KIF13A: variants seen among roughly 807,000 people sequenced by gnomAD.
The protein encoded by KIF13A is kinesin-like protein KIF13A.
KIF13A carries 79 observed loss-of-function variants against 212.2 expected under a neutral mutation model. The ratio of observed to expected loss-of-function variants is 0.37; its 90% CI spans 0.31 to 0.45. The LOEUF is 0.45. KIF13A is among the 20% of genes least tolerant of loss of function. KIF13A has a pLI of 1.00. For missense variants in KIF13A, 1,901 were observed against 2,209.0 expected, an observed-to-expected ratio of 0.86 and a Z score of 2.79; for synonymous variants, 789 against 808.6, an observed-to-expected ratio of 0.98 and a Z score of 0.41.
At chr6:17,887,965 C>T (rs1473319605) in intron 3 of KIF13A, among the ~76,000 whole-genome samples, 2 of 151,936 alleles carry the variant, frequency 1.3e-5, no homozygotes. Context: ...CTCAGCCTCC[C>T]AAAGTGCTAG....
chr6:17,935,631 C>T (rs570481845), intron 2 of KIF13A, among the ~76,000 whole-genome samples: 1 of 152,284 alleles, frequency 6.6e-6, no homozygotes, highest in South Asian at 2.1e-4. Context: ...TTTAAATTCT[C>T]TCATAAAATG....
chr6:17,763,160 G>GA (rs1321867413), downstream of KIF13A, among the ~76,000 whole-genome samples: 2 of 152,118 alleles, frequency 1.3e-5, no homozygotes, highest in African/African-American at 4.8e-5. Context: ...TAGTAATAGT[G>GA]GCAAAAACTC....
intron 2 of KIF13A, among the ~76,000 whole-genome samples, chr6:17,910,739 AAT>A (rs1773976054): frequency 2.6e-5 from 4 of 152,220 alleles, no homozygotes; most frequent in African/African-American, 9.6e-5. Flanking sequence ...CAGGGTTTCT[AAT>A]AAATTCAAGG....
chr6:17,759,880 C>G (rs1360136702), downstream of KIF13A: 1 of 150,636 alleles, frequency 6.6e-6, no homozygotes, highest in Non-Finnish European at 1.5e-5. Flanking sequence ...ACCCACCCCA[C>G]CACTACTCCT....
chr6:17,819,540 C>T (rs1324357779), intron 16 of KIF13A, among the ~76,000 whole-genome samples: 1 of 151,902 alleles, frequency 6.6e-6, no homozygotes, highest in African/African-American at 2.4e-5. Context: ...CCAGCCTGGG[C>T]AACAGAGTGA....
intron 11 of KIF13A, among the ~76,000 whole-genome samples, chr6:17,835,812 A>G (rs17622197): frequency 0.18 from 26,873 of 152,188 alleles, 2,668 homozygotes; most frequent in South Asian, 0.31. Flanking sequence ...GATGGATAGA[A>G]GTATTAACAT....
Position 17,777,143 on chromosome 6 carries a change from G to C in KIF13A, c.4170+134C>G, listed in dbSNP as rs17621900. ...CTGCCTGGTGTGTGTCCCTGGTACA[G>C]AGAAGCAGGCTACACTTTGGGATGC... is the stretch of plus-strand genomic sequence containing the variant. On this transcript the variant is annotated intron_variant, in intron 34 of 38. Coordinates refer to ENST00000259711, the MANE Select transcript of KIF13A (RefSeq NM_022113.6). This position sits in a 1 kb window ranked among gnomAD's most constrained non-coding sequence, Gnocchi z 4.4. The C allele has an allele frequency of 0.067, 46,457 of 696,744 alleles. 1,873 individuals carry two copies. Among genetic ancestry groups the C allele is most frequent in the Middle Eastern group, 0.094 (347 of 3,676 alleles). The allele number at this position is 696,744 out of a possible 1,614,324, so 43.2% of individuals were successfully genotyped here.
At chr6:17,842,288 T>C (rs573632490) in intron 9 of KIF13A, among the ~76,000 whole-genome samples, 85 of 152,092 alleles carry the variant, frequency 5.6e-4, no homozygotes, top group African/African-American at 1.9e-3. Context: ...TGGGCTCAAG[T>C]GATCCTCCCA....
chr6:17,910,786 G>A (rs575733622), intron 2 of KIF13A, among the ~76,000 whole-genome samples: 34 of 152,156 alleles, frequency 2.2e-4, no homozygotes, highest in Non-Finnish European at 3.7e-4. Context: ...GTTTTGAGAC[G>A]GAGTCTCGCT....
At chr6:17,978,048 C>T (rs564984839) in intron 2 of KIF13A, among the ~76,000 whole-genome samples, 3 of 152,272 alleles carry the variant, frequency 2.0e-5, no homozygotes, top group South Asian at 2.1e-4. Flanking sequence ...AATGACTCAC[C>T]GAATTGTTAA....
At chr6:17,791,326 C>T (rs912491365) in intron 25 of KIF13A, among the ~76,000 whole-genome samples, 1 of 151,374 alleles carries the variant, frequency 6.6e-6, no homozygotes, top group Non-Finnish European at 1.5e-5. Flanking sequence ...GTTGCAAAAC[C>T]AGCATATTCT....
chr6:17,780,566 A>G (rs1303765013), intron 31 of KIF13A, among the ~76,000 whole-genome samples, 164 bp downstream of exon 31: 1 of 152,136 alleles, frequency 6.6e-6, no homozygotes, highest in Non-Finnish European at 1.5e-5. Flanking sequence ...GACCTCTGCT[A>G]TCCTAATGCC....
intron 20 of KIF13A, among the ~76,000 whole-genome samples, chr6:17,800,478 C>A (rs1261033030): frequency 6.6e-6 from 1 of 151,764 alleles, no homozygotes; most frequent in Non-Finnish European, 1.5e-5. Context: ...GCTCTGTCAT[C>A]CAGGCTGGAG....
intron 33 of KIF13A, among the ~76,000 whole-genome samples, chr6:17,778,623 T>C (rs1479537580): frequency 6.6e-6 from 1 of 152,204 alleles, no homozygotes; most frequent in Non-Finnish European, 1.5e-5. Flanking sequence ...CATGGGTGAG[T>C]TAGCTAACTT....
intron 3 of KIF13A, among the ~76,000 whole-genome samples, chr6:17,885,318 G>A (rs1394707573): frequency 6.6e-6 from 1 of 152,138 alleles, no homozygotes; most frequent in Non-Finnish European, 1.5e-5. Context: ...CCTTATTACT[G>A]GTGAGTTTTA....
At chr6:17,853,151 A>C (rs1477669075) in intron 6 of KIF13A, among the ~76,000 whole-genome samples, 1 of 152,218 alleles carries the variant, frequency 6.6e-6, no homozygotes, top group African/African-American at 2.4e-5. Context: ...TGTTCCCTGA[A>C]GCACTTTTCA....
At position 17,886,859 on chromosome 6, in the gene KIF13A, G is replaced by A. The variant is rs1382406616; in HGVS notation, c.159+11309C>T. 1.3e-5 allele frequency among the ~76,000 whole-genome samples: 2 copies of A among 151,770 alleles called. No homozygotes were observed. Among genetic ancestry groups the A allele is most frequent in the African/African-American group, 4.8e-5 (2 of 41,266 alleles). On this transcript the variant is annotated intron_variant, in intron 3 of 38. Transcript: ENST00000259711. This position sits in a 1 kb window ranked among gnomAD's most constrained non-coding sequence, Gnocchi z 5.6. The stretch of plus-strand genomic sequence containing the variant: ...ACCACCACCACCACCCTATGTTTCT[G>A]AGGATTGTTTTGTTGTCGTTGTTAA...
At chr6:17,847,188 G>A (rs1054198930) in intron 9 of KIF13A, among the ~76,000 whole-genome samples, 3 of 152,090 alleles carry the variant, frequency 2.0e-5, no homozygotes, top group Non-Finnish European at 2.9e-5. Context: ...AAGCCCCACC[G>A]GCAGGCATGG....
chr6:17,886,316 CT>C lies in KIF13A; in HGVS notation c.159+11851del, dbSNP rs1362650574. 3.3e-5 allele frequency among the ~76,000 whole-genome samples: 5 copies of C among 152,122 alleles called. No individual in the cohort carries two copies. Among genetic ancestry groups the C allele is most frequent in the Non-Finnish European group, 7.4e-5 (5 of 68,010 alleles). ...ACATAGAGCCACAGAGAGGAGAATG[CT>C]AGGCTGACTCCATGGCCCCAGGTCA... On this transcript the variant is annotated intron_variant, in intron 3 of 38. Transcript: ENST00000259711. The surrounding 1 kb of genome is among the most constrained non-coding windows in gnomAD (Gnocchi z 5.6).
Sources: allele counts gnomAD v4.1 joint callset (sites outside exome capture counted in the v4.1 genomes callset), GRCh38; gene constraint gnomAD v4.1.1; non-coding constraint Gnocchi (gnomAD v3.1); transcripts MANE v1.5; gene names NCBI Gene and HGNC (gene_info 2026-07-23, HGNC 2026-07-21).